The following DLGAP2 variants were observed in gnomAD, a reference collection of about 807,000 sequenced individuals.
The protein encoded by DLGAP2 is DLG associated protein 2.
A neutral mutation model predicts 100.3 loss-of-function variants in DLGAP2; 26 were observed. That is an observed-to-expected ratio of 0.26 (90% CI 0.19 to 0.36). The LOEUF (loss-of-function observed/expected upper bound fraction) is 0.36, where lower values mean the gene tolerates loss of function less well. Among genes scored for constraint, DLGAP2 ranks in the 10% least tolerant of loss-of-function variants. The pLI is 1.00. For missense variants in DLGAP2, 1,858 were observed against 1,453.2 expected, an observed-to-expected ratio of 1.28 and a Z score of -4.53; for synonymous variants, 886 against 630.1, an observed-to-expected ratio of 1.41 and a Z score of -6.08.
At chr8:1,047,099 C>G (rs953405863) in intron 2 of DLGAP2, among the ~76,000 whole-genome samples, 1 of 152,164 alleles carries the variant, frequency 6.6e-6, no homozygotes, top group Non-Finnish European at 1.5e-5. Context: ...CAGAATATTT[C>G]TTATCCCCAT....
At chr8:1,085,151 C>T (rs939498964) in intron 2 of DLGAP2, among the ~76,000 whole-genome samples, 3 of 152,214 alleles carry the variant, frequency 2.0e-5, no homozygotes, top group Non-Finnish European at 4.4e-5. Context: ...GTTGGCCATT[C>T]AAGTGCCTTC....
intron 5 of DLGAP2, among the ~76,000 whole-genome samples, chr8:1,561,017 G>C (rs1307929642): frequency 6.6e-6 from 1 of 152,184 alleles, no homozygotes; most frequent in African/African-American, 2.4e-5. Flanking sequence ...CATGTGTCAT[G>C]AGAGGGACCC....
intron 3 of DLGAP2, among the ~76,000 whole-genome samples, chr8:1,288,812 C>T (rs112178889): frequency 8.6e-5 from 13 of 151,372 alleles, no homozygotes; most frequent in Admixed American, 6.6e-4. Context: ...GAACTAGTTT[C>T]GGTTCAGTGT....
rs567499122 is a variant in DLGAP2, at chr8:1,681,587, G to A, written c.2704+2958G>A. On this transcript the variant is annotated intron_variant, in intron 12 of 14. Transcript: ENST00000637795. ...GTGGGAGGATTGCCTGAGCCCCAGAGGTGGAGGCTGCAGTGAGCCGAGATC... is the reference window on the plus strand; with the variant it reads ...GTGGGAGGATTGCCTGAGCCCCAGAAGTGGAGGCTGCAGTGAGCCGAGATC... 3.7e-4 allele frequency among the ~76,000 whole-genome samples: 54 copies of A among 147,672 alleles called. No homozygotes were observed. In the South Asian group the frequency reaches 0.011, roughly 31 times the overall value.
intron 2 of DLGAP2, among the ~76,000 whole-genome samples, chr8:1,209,816 A>T (rs1798066660): frequency 6.6e-6 from 1 of 152,178 alleles, no homozygotes; most frequent in African/African-American, 2.4e-5. Flanking sequence ...AAGTTGTCAC[A>T]GCTCACTGAG....
chr8:1,407,337 A>G lies in DLGAP2; in HGVS notation c.107-94029A>G, dbSNP rs113075205. Among the ~76,000 whole-genome samples the G allele has an allele frequency of 7.3e-3, 361 of 49,684 alleles. 15 individuals are homozygous for G. The highest frequency in any genetic ancestry group is 8.8e-3 in the Non-Finnish European group (230 of 25,990). The allele number at this position is 49,684 out of a possible 152,430, so 32.6% of individuals were successfully genotyped here. A position where few individuals can be genotyped will look rare whatever the true frequency, so the allele number is the denominator to read the frequency against. ...ACTGAGCGCTCCCTCCTTGTCCTCC[A>G]GAGTCGTGTATTGAGAACTTACTGA... On this transcript the variant is annotated intron_variant, in intron 3 of 14. Coordinates refer to ENST00000637795, the MANE Select transcript of DLGAP2 (RefSeq NM_001346810.2).
chr8:1,052,211 C>A (rs191533365), intron 2 of DLGAP2, among the ~76,000 whole-genome samples: 5 of 152,200 alleles, frequency 3.3e-5, no homozygotes, highest in Non-Finnish European at 5.9e-5. Context: ...CCCCTTCCCC[C>A]CATTCTCATG....
intron 3 of DLGAP2, among the ~76,000 whole-genome samples, chr8:1,410,700 C>G (rs1796703958): frequency 6.6e-6 from 1 of 152,214 alleles, no homozygotes; most frequent in Non-Finnish European, 1.5e-5. Flanking sequence ...ACCCCATGGG[C>G]CTGCGTCAAA....
intron 8 of DLGAP2, among the ~76,000 whole-genome samples, chr8:1,638,000 G>C (rs746399894): frequency 1.6e-4 from 24 of 152,180 alleles, no homozygotes; most frequent in African/African-American, 4.6e-4. Context: ...CCCGAAAACC[G>C]CTGGGCACCT....
intron 4 of DLGAP2, among the ~76,000 whole-genome samples, chr8:1,503,719 G>A (rs148756831): frequency 3.8e-4 from 58 of 152,240 alleles, no homozygotes; most frequent in Middle Eastern, 3.4e-3. Context: ...TGTGCTTTGC[G>A]AGCTGCCTCT....
intron 3 of DLGAP2, among the ~76,000 whole-genome samples, chr8:1,498,027 T>G (rs1039281857): frequency 6.6e-6 from 1 of 152,204 alleles, no homozygotes. Context: ...GGTCACTACC[T>G]GTAGATGTAC....
chr8:1,538,681 G>T (rs1464940563), intron 4 of DLGAP2, among the ~76,000 whole-genome samples: 1 of 152,098 alleles, frequency 6.6e-6, no homozygotes, highest in Non-Finnish European at 1.5e-5. Context: ...CTCTTTTCTA[G>T]GAATTGGATT....
chr8:1,511,909 G>C (rs537733556), intron 4 of DLGAP2, among the ~76,000 whole-genome samples: 1 of 152,256 alleles, frequency 6.6e-6, no homozygotes, highest in Non-Finnish European at 1.5e-5. Flanking sequence ...TAGGCTCCAA[G>C]TCTTATCAGA....
At chr8:1,358,962 G>A (rs891902357) in intron 3 of DLGAP2, among the ~76,000 whole-genome samples, 1 of 152,180 alleles carries the variant, frequency 6.6e-6, no homozygotes, top group African/African-American at 2.4e-5. Context: ...GAACCTCTGG[G>A]CCAGCGGGTC....
At chr8:1,591,763 C>A (rs1277807138) in intron 6 of DLGAP2, among the ~76,000 whole-genome samples, 6 of 152,204 alleles carry the variant, frequency 3.9e-5, no homozygotes, top group African/African-American at 1.4e-4. Flanking sequence ...CATCCTGGAT[C>A]TCCAGCGGGA....
chr8:1,275,751 T>A (rs1799670385), intron 3 of DLGAP2, among the ~76,000 whole-genome samples: 1 of 131,630 alleles, frequency 7.6e-6, no homozygotes, highest in East Asian at 2.0e-4. Flanking sequence ...TATATATAAA[T>A]AAATATATAA....
chr8:1,298,969 G>A (rs1800262447), intron 3 of DLGAP2, among the ~76,000 whole-genome samples: 1 of 152,264 alleles, frequency 6.6e-6, no homozygotes, highest in South Asian at 2.1e-4. Flanking sequence ...GTCTGTCTCA[G>A]TGGCTCGTGC....
At chr8:1,021,166 G>A (rs911770191) in intron 2 of DLGAP2, among the ~76,000 whole-genome samples, 4 of 152,166 alleles carry the variant, frequency 2.6e-5, no homozygotes, top group Non-Finnish European at 5.9e-5. Flanking sequence ...AATAGCTCTA[G>A]TAAAAGTGAT....
chr8:1,373,381 G>A (rs1440077218), intron 3 of DLGAP2, among the ~76,000 whole-genome samples: 2 of 152,068 alleles, frequency 1.3e-5, no homozygotes, highest in Non-Finnish European at 2.9e-5. Flanking sequence ...AGCGCCAGAC[G>A]CAGAGCCCTG....
Sources: allele counts gnomAD v4.1 joint callset (sites outside exome capture counted in the v4.1 genomes callset), GRCh38; gene constraint gnomAD v4.1.1; transcripts MANE v1.5; gene names NCBI Gene and HGNC (gene_info 2026-07-23, HGNC 2026-07-21).